Variants in STX8 observed in about 807,000 individuals in gnomAD.
The protein encoded by STX8 is syntaxin-8.
In STX8, 23 loss-of-function variants were observed where a neutral mutation model predicts 37.5. The observed-to-expected ratio is 0.61, with a 90% CI of 0.44 to 0.87. The LOEUF (loss-of-function observed/expected upper bound fraction) is 0.87. Ranked by LOEUF, STX8 falls within the 40% of genes least tolerant of loss-of-function variation. The probability of loss-of-function intolerance (pLI) is 0.00; values close to 1 mark genes in which losing one functional copy is unlikely to be tolerated. For missense variants in STX8, 313 were observed against 284.7 expected, an observed-to-expected ratio of 1.10 and a Z score of -0.71; for synonymous variants, 115 against 99.1, an observed-to-expected ratio of 1.16 and a Z score of -0.95.
At chr17:9,541,264 C>T (rs754668079) in intron 4 of STX8, among the ~76,000 whole-genome samples, 11 of 152,000 alleles carry the variant, frequency 7.2e-5, no homozygotes, top group South Asian at 2.1e-4. Context: ...AAGCTGGGCA[C>T]GGAGGGAAGC....
intron 7 of STX8, among the ~76,000 whole-genome samples, chr17:9,317,908 T>C (rs74980296): frequency 0.081 from 12,301 of 152,204 alleles, 1,589 homozygotes; most frequent in African/African-American, 0.27. Context: ...ATGTCAGGGT[T>C]GGGGCAGGGA....
chr17:9,280,426 G>A (rs1239982146), intron 7 of STX8, among the ~76,000 whole-genome samples: 9 of 152,202 alleles, frequency 5.9e-5, no homozygotes, highest in African/African-American at 2.2e-4. Context: ...GGTGGCGGGC[G>A]CCTGTAATCC....
At chr17:9,344,179 T>C (rs1910456900) in intron 7 of STX8, among the ~76,000 whole-genome samples, 1 of 152,042 alleles carries the variant, frequency 6.6e-6, no homozygotes, top group Non-Finnish European at 1.5e-5. Context: ...TTCAATTGAT[T>C]TGGGAAGGAG....
chr17:9,313,206 A>G (rs1383333559), intron 7 of STX8, among the ~76,000 whole-genome samples: 2 of 152,182 alleles, frequency 1.3e-5, no homozygotes, highest in South Asian at 2.1e-4. Flanking sequence ...AAAGAAATAA[A>G]TAAAAATAAG....
At chr17:9,485,932 A>C (rs1051252110) in intron 6 of STX8, among the ~76,000 whole-genome samples, 9 of 152,152 alleles carry the variant, frequency 5.9e-5, no homozygotes, top group African/African-American at 1.9e-4. Flanking sequence ...AGCAAGAGAA[A>C]ATACAGAAAA....
rs566360652 is a variant in STX8 at position 9,280,113 on chromosome 17, G to A, written c.644-29468C>T. On this transcript the variant is annotated intron_variant, in intron 7 of 7. Coordinates refer to ENST00000306357, the MANE Select transcript of STX8 (RefSeq NM_004853.3). ...GTGCACGCCTCTAGTCCCAGCTACT[G>A]CGAGGCAGGGGTGGGAGAATTGCTC... Among the ~76,000 whole-genome samples, 6 of 152,266 alleles carry A rather than the reference G, an allele frequency of 3.9e-5. No homozygotes were observed. The East Asian group carries it at 7.7e-4, about 20-fold the overall frequency.
chr17:9,304,915 G>GAA (rs1200902556), intron 7 of STX8, among the ~76,000 whole-genome samples: 6 of 134,558 alleles, frequency 4.5e-5, no homozygotes, highest in African/African-American at 1.8e-4. Context: ...ATATATGGGC[G>GAA]AAAAAAAAAA....
intron 4 of STX8, among the ~76,000 whole-genome samples, chr17:9,535,027 G>A (rs1055938213): frequency 2.2e-4 from 33 of 151,846 alleles, no homozygotes; most frequent in African/African-American, 6.8e-4. Flanking sequence ...AAAAAATATC[G>A]TCAGTCACAA....
intron 7 of STX8, among the ~76,000 whole-genome samples, chr17:9,343,879 T>TA (rs1199400136): frequency 6.6e-6 from 1 of 152,166 alleles, no homozygotes; most frequent in South Asian, 2.1e-4. Flanking sequence ...ATACTGATGT[T>TA]AAAAAATAAA....
chr17:9,375,603 C>T (rs1237553710), intron 7 of STX8, among the ~76,000 whole-genome samples: 1 of 152,118 alleles, frequency 6.6e-6, no homozygotes, highest in Admixed American at 6.6e-5. Context: ...AGAGCTAATA[C>T]CAGTACTTGC....
intron 7 of STX8, among the ~76,000 whole-genome samples, chr17:9,314,230 T>C (rs567239499): frequency 6.6e-6 from 1 of 152,304 alleles, no homozygotes; most frequent in Admixed American, 6.5e-5. Flanking sequence ...ATTTCCAATG[T>C]CCGTGAGGAA....
chr17:9,333,633 C>T (rs1259173599), intron 7 of STX8, among the ~76,000 whole-genome samples: 2 of 152,330 alleles, frequency 1.3e-5, no homozygotes, highest in Admixed American at 1.3e-4. Context: ...TTGTGATCCG[C>T]CCGCCTTGGC....
At chr17:9,297,353 C>A (rs559587270) in intron 7 of STX8, among the ~76,000 whole-genome samples, 6 of 152,158 alleles carry the variant, frequency 3.9e-5, no homozygotes, top group African/African-American at 1.4e-4. Context: ...ATCACTGTCA[C>A]CCTTCCTGCC....
At chr17:9,466,120 G>A (rs12051682) in intron 6 of STX8, among the ~76,000 whole-genome samples, 81,773 of 151,760 alleles carry the variant, frequency 0.54, 22,566 homozygotes, top group East Asian at 0.85. Context: ...ACAGGTGCAC[G>A]CCACCACACC....
chr17:9,506,976 G>A (rs1904861613), intron 4 of STX8, among the ~76,000 whole-genome samples: 1 of 151,920 alleles, frequency 6.6e-6, no homozygotes, highest in Non-Finnish European at 1.5e-5. Flanking sequence ...CAGGGCTCGG[G>A]AATGGCTGTG....
chr17:9,255,013 A>G lies in STX8; in HGVS notation c.644-4368T>C, dbSNP rs185110744. Among the ~76,000 whole-genome samples the G allele has an allele frequency of 2.5e-3, 383 of 152,330 alleles. 3 individuals are homozygous for G. The highest frequency in any genetic ancestry group is 4.3e-3 in the Non-Finnish European group (291 of 68,020). On this transcript the variant is annotated intron_variant, in intron 7 of 7. Transcript: ENST00000306357. ...AGTAAGAAAATTCAAAAAGTGGCCA[A>G]TGCCAACCCACAATACTACAGAGAC... is the stretch of plus-strand genomic sequence containing the variant.
At position 9,277,942 on chromosome 17, in the gene STX8, T is replaced by C. The variant is rs147520133; in HGVS notation, c.644-27297A>G. Among the ~76,000 whole-genome samples, 387 of 152,226 alleles carry C rather than the reference T, an allele frequency of 2.5e-3. 2 individuals are homozygous for C. Among genetic ancestry groups the C allele is most frequent in the South Asian group, 0.01 (49 of 4,828 alleles). On this transcript the variant is annotated intron_variant, in intron 7 of 7. Coordinates refer to ENST00000306357, the MANE Select transcript of STX8 (RefSeq NM_004853.3). ...GTAAGGAGTTGGATTTTATCCTAAG[T>C]ACAAGGGAAGCAAGTGAAGGGTTTA...
At chr17:9,435,668 T>A (rs889896167) in intron 6 of STX8, among the ~76,000 whole-genome samples, 2 of 152,206 alleles carry the variant, frequency 1.3e-5, no homozygotes, top group African/African-American at 4.8e-5. Flanking sequence ...AGCGTTCGAT[T>A]AAAGAGGGCC....
chr17:9,375,988 G>A (rs572701559), intron 7 of STX8, among the ~76,000 whole-genome samples: 10 of 152,258 alleles, frequency 6.6e-5, no homozygotes, highest in Non-Finnish European at 1.5e-4. Context: ...AAAGCTGGGG[G>A]AGGTGGCCAG....
Sources: allele counts gnomAD v4.1 joint callset (sites outside exome capture counted in the v4.1 genomes callset), GRCh38; gene constraint gnomAD v4.1.1; transcripts MANE v1.5; gene names NCBI Gene and HGNC (gene_info 2026-07-23, HGNC 2026-07-21).